N4BP2L2: variants seen among roughly 807,000 people sequenced by gnomAD.
N4BP2L2 encodes NEDD4-binding protein 2-like 2.
In N4BP2L2, 50 loss-of-function variants were observed where a neutral mutation model predicts 56.2. The ratio of observed to expected loss-of-function variants is 0.89; its 90% CI spans 0.71 to 1.13. The LOEUF is 1.13. Among genes scored for constraint, N4BP2L2 ranks in the 50% most tolerant of loss-of-function variants. The pLI is 0.00. For synonymous variants in N4BP2L2, 203 were observed against 223.6 expected, an observed-to-expected ratio of 0.91 and a Z score of 0.82; for missense variants, 689 against 693.8, an observed-to-expected ratio of 0.99 and a Z score of 0.08.
intron 6 of N4BP2L2, chr13:32,446,311 TA>T: frequency 7.8e-7 from 1 of 1,273,968 alleles, no homozygotes; most frequent in Non-Finnish European, 1.1e-6. Context: ...GGATATTGAG[TA>T]AAGAGTGCTA....
At position 32,526,846 on chromosome 13, in the gene N4BP2L2, T is replaced by C. The variant is rs12873739; in HGVS notation, c.1384+562A>G. On this transcript the variant is annotated intron_variant, in intron 3 of 5. Coordinates refer to ENST00000267068, the Ensembl canonical transcript of N4BP2L2. The stretch of plus-strand genomic sequence containing the variant: ...TTTTTTTTTTTTTTTTTTTTTTTTT[T>C]GCTTTTTTTTAAAGTCCCCAAGAAA... 4.9e-5 allele frequency: 6 copies of C among 122,260 alleles called. 1 individual carries two copies. In the South Asian group the frequency reaches 1.5e-3, roughly 30 times the overall value. 7.6% of individuals were successfully genotyped at this position (122,260 alleles called of 1,614,324 possible). A position where few individuals can be genotyped will look rare whatever the true frequency, so the allele number is the denominator to read the frequency against.
At chr13:32,471,779 G>A (rs1007273314) in intron 6 of N4BP2L2, among the ~76,000 whole-genome samples, 15 of 152,234 alleles carry the variant, frequency 9.9e-5, no homozygotes, top group African/African-American at 3.6e-4. Context: ...GCTAATGAAA[G>A]AGCTGCTGAA....
intron 6 of N4BP2L2, among the ~76,000 whole-genome samples, chr13:32,455,635 C>G (rs956415904): frequency 1.3e-5 from 2 of 152,236 alleles, no homozygotes; most frequent in African/African-American, 4.8e-5. Context: ...GGGGCTCACC[C>G]TGCCCTGCCC....
intron 6 of N4BP2L2, among the ~76,000 whole-genome samples, chr13:32,448,633 C>G (rs1335151003): frequency 1.3e-5 from 2 of 151,832 alleles, no homozygotes; most frequent in Admixed American, 1.3e-4. Context: ...GACCTGATGA[C>G]AAAGGTGAGA....
At chr13:32,494,490 G>C (rs545379593) in intron 6 of N4BP2L2, among the ~76,000 whole-genome samples, 1 of 152,048 alleles carries the variant, frequency 6.6e-6, no homozygotes, top group African/African-American at 2.4e-5. Context: ...TAGGCTGGGC[G>C]CGGTGGCTCA....
At chr13:32,475,166 A>G (rs1269895582) in intron 6 of N4BP2L2, among the ~76,000 whole-genome samples, 1 of 152,200 alleles carries the variant, frequency 6.6e-6, no homozygotes, top group Non-Finnish European at 1.5e-5. Flanking sequence ...CCCAGGTCAG[A>G]GCAAATGTAG....
chr13:32,474,859 G>A (rs1235405345), intron 6 of N4BP2L2, among the ~76,000 whole-genome samples: 1 of 152,122 alleles, frequency 6.6e-6, no homozygotes, highest in Admixed American at 6.5e-5. Flanking sequence ...TTCTTCCTGT[G>A]GGCCGCTGAC....
At chr13:32,527,013 A>T (rs1217634203) in intron 3 of N4BP2L2, 1 of 154,850 alleles carries the variant, frequency 6.5e-6, no homozygotes, top group African/African-American at 2.4e-5. Context: ...CAGTATATTA[A>T]GCCTTGGAAA....
At chr13:32,503,377 C>T (rs775262318) in intron 6 of N4BP2L2, among the ~76,000 whole-genome samples, 1 of 151,910 alleles carries the variant, frequency 6.6e-6, no homozygotes, top group East Asian at 1.9e-4. Context: ...CTGAGCTAGA[C>T]CCTAAGGATA....
chr13:32,443,332 T>C, exon 7 of N4BP2L2: 1 of 1,614,024 alleles, frequency 6.2e-7, no homozygotes, highest in Non-Finnish European at 8.5e-7. Flanking sequence ...TCTATCTTTC[T>C]TTGGTCTCTG....
At chr13:32,512,864 T>C (rs891482763) in exon 6 of N4BP2L2, 2 of 152,206 alleles carry the variant, frequency 1.3e-5, no homozygotes, top group African/African-American at 4.8e-5. Context: ...ACCCCGTCTC[T>C]ATTAAAAACA....
At chr13:32,452,257 C>T (rs925118351) in intron 6 of N4BP2L2, among the ~76,000 whole-genome samples, 3 of 152,096 alleles carry the variant, frequency 2.0e-5, no homozygotes, top group Non-Finnish European at 4.4e-5. Context: ...GACGGGGTTT[C>T]TCTATGTTGG....
chr13:32,527,616 G>T, intron 2 of N4BP2L2, 84 bp from the exon 3 acceptor site: 1 of 1,460,838 alleles, frequency 6.8e-7, no homozygotes, highest in Non-Finnish European at 9.3e-7. Context: ...ATATAACCAA[G>T]TGAAATAAAT....
At chr13:32,491,000 C>A (rs199751778) in intron 6 of N4BP2L2, among the ~76,000 whole-genome samples, 32 of 145,676 alleles carry the variant, frequency 2.2e-4, no homozygotes, top group Non-Finnish European at 2.4e-4. Flanking sequence ...CAGATTAAAG[C>A]AAAAAAAAAA....
At chr13:32,476,241 G>A (rs1345011840) in intron 6 of N4BP2L2, among the ~76,000 whole-genome samples, 1 of 152,182 alleles carries the variant, frequency 6.6e-6, no homozygotes, top group Non-Finnish European at 1.5e-5. Flanking sequence ...CAGGGTTTTT[G>A]TAAACTTAGG....
At chr13:32,440,807 C>A in intron 7 of N4BP2L2, among the ~76,000 whole-genome samples, 1 of 150,790 alleles carries the variant, frequency 6.6e-6, no homozygotes. Context: ...TATTTTTGCT[C>A]GTTTTATTCA....
intron 1 of N4BP2L2, among the ~76,000 whole-genome samples, chr13:32,537,695 A>T (rs2056894393): frequency 6.6e-6 from 1 of 152,190 alleles, no homozygotes; most frequent in African/African-American, 2.4e-5. Context: ...ATGATAACGG[A>T]AATTTGTATA....
chr13:32,491,760 T>C (rs1593830947), intron 6 of N4BP2L2, among the ~76,000 whole-genome samples: 1 of 151,474 alleles, frequency 6.6e-6, no homozygotes, highest in Admixed American at 6.6e-5. Flanking sequence ...GCCTCCCAAG[T>C]AGCTGGGACT....
At position 32,526,559 on chromosome 13, in the gene N4BP2L2, G is replaced by A. The variant is rs532615918; in HGVS notation, c.1384+849C>T. Among the ~76,000 whole-genome samples, 4 of 152,166 alleles carry A rather than the reference G, an allele frequency of 2.6e-5. No homozygotes were observed. The South Asian group carries it at 8.3e-4, about 32-fold the overall frequency. ...AATACCTGATAATTCTGGGTGATGG[G>A]TCTATGAGGTTCATTACAGTCTCTT... On this transcript the variant is annotated intron_variant, in intron 3 of 5. Coordinates refer to ENST00000267068, the Ensembl canonical transcript of N4BP2L2.
Sources: gnomAD v4.1 joint callset for allele counts (sites outside exome capture counted in the v4.1 genomes callset) on GRCh38, gnomAD v4.1.1 for gene constraint, MANE v1.5 for transcripts, NCBI Gene and HGNC (gene_info 2026-07-23, HGNC 2026-07-21) for gene names.